The following VWA3B variants were observed in gnomAD, a reference collection of about 807,000 sequenced individuals.
VWA3B encodes von Willebrand factor A domain-containing protein 3B.
VWA3B carries 138 observed loss-of-function variants against 158.3 expected under a neutral mutation model. The ratio of observed to expected loss-of-function variants is 0.87; its 90% CI spans 0.76 to 1.00. The LOEUF (loss-of-function observed/expected upper bound fraction) is 1.00. VWA3B is among the 50% of genes least tolerant of loss of function. VWA3B has a pLI of 0.00. For missense variants in VWA3B, 1,555 were observed against 1,565.1 expected, an observed-to-expected ratio of 0.99 and a Z score of 0.11; for synonymous variants, 596 against 587.3, an observed-to-expected ratio of 1.01 and a Z score of -0.21.
intron 8 of VWA3B, among the ~76,000 whole-genome samples, chr2:98,171,802 G>A (rs912077935): frequency 6.6e-6 from 1 of 152,204 alleles, no homozygotes; most frequent in Non-Finnish European, 1.5e-5. Context: ...GACAAGAGTA[G>A]GAGGAGCCTG....
At chr2:98,229,669 C>A (rs142521739) in intron 15 of VWA3B, among the ~76,000 whole-genome samples, 2 of 152,130 alleles carry the variant, frequency 1.3e-5, no homozygotes, top group African/African-American at 2.4e-5. Context: ...TTGTTTATAA[C>A]CGGCTTTCAC....
intron 21 of VWA3B, among the ~76,000 whole-genome samples, chr2:98,257,250 CA>C (rs1687214472): frequency 2.6e-5 from 4 of 152,030 alleles, no homozygotes; most frequent in Admixed American, 2.6e-4. Flanking sequence ...TCATGACCTC[CA>C]AATGATATTA....
At chr2:98,258,645 C>A (rs1369934359) in intron 21 of VWA3B, among the ~76,000 whole-genome samples, 5 of 151,742 alleles carry the variant, frequency 3.3e-5, no homozygotes, top group Non-Finnish European at 7.4e-5. Context: ...TTGTTCATTG[C>A]TGGTACATAA....
intron 8 of VWA3B, among the ~76,000 whole-genome samples, chr2:98,169,492 G>A (rs953272076): frequency 6.6e-6 from 1 of 151,950 alleles, no homozygotes; most frequent in Admixed American, 6.6e-5. Flanking sequence ...AACAGATAGG[G>A]CCAATAGAAA....
chr2:98,325,294 C>T, the VWA3B span, among the ~76,000 whole-genome samples: 1 of 152,244 alleles, frequency 6.6e-6, no homozygotes, highest in South Asian at 2.1e-4. Flanking sequence ...AACGACACAT[C>T]ACATAAAGGG....
At chr2:98,326,395 A>G in the VWA3B span, among the ~76,000 whole-genome samples, 1 of 152,260 alleles carries the variant, frequency 6.6e-6, no homozygotes, top group Admixed American at 6.5e-5. Flanking sequence ...TAAATTTGCT[A>G]TCAAAACCCT....
At chr2:98,170,066 G>A (rs1041368883) in intron 8 of VWA3B, among the ~76,000 whole-genome samples, 7 of 152,160 alleles carry the variant, frequency 4.6e-5, no homozygotes, top group African/African-American at 1.7e-4. Flanking sequence ...AGTCGAGGTG[G>A]CAGTGAGTGG....
intron 7 of VWA3B, among the ~76,000 whole-genome samples, chr2:98,138,970 G>A (rs546577710): frequency 1.3e-5 from 2 of 152,364 alleles, no homozygotes; most frequent in South Asian, 4.1e-4. Flanking sequence ...CAAGGCCGGA[G>A]TCGGCTCCCT....
At chr2:98,135,625 G>A (rs553770552) in intron 7 of VWA3B, among the ~76,000 whole-genome samples, 1 of 152,020 alleles carries the variant, frequency 6.6e-6, no homozygotes, top group Non-Finnish European at 1.5e-5. Flanking sequence ...GTGAGCCACC[G>A]CGCCCGGCCA....
At chr2:98,250,816 C>T (rs1185680971) in intron 20 of VWA3B, among the ~76,000 whole-genome samples, 1 of 151,972 alleles carries the variant, frequency 6.6e-6, no homozygotes, top group Admixed American at 6.6e-5. Flanking sequence ...GTGATGGATA[C>T]CCCATTTACC....
chr2:98,181,192 G>A lies in VWA3B; in HGVS notation c.1291G>A (p.Glu431Lys), dbSNP rs1680548589. 1 of 1,614,164 alleles carries A rather than the reference G, an allele frequency of 6.2e-7. No homozygotes were observed. Among genetic ancestry groups the A allele is most frequent in the Non-Finnish European group, 8.5e-7 (1 of 1,179,996 alleles). The change falls in exon 9 of 28, where the codon GAG becomes AAG. Residue 431 changes from glutamate to lysine, a missense_variant. By Grantham distance (56) the Glu-to-Lys change is moderately conservative (BLOSUM62 1). Transcript: ENST00000477737. ...GGATATAAAAGCCAAACCGGAGAAT[G>A]AGTCCGTGCAGACCAGTGCGGTAGG... The part of the protein sequence containing the change: ...VVDIKAKPEN[E>K]SVQTSAETNK...
At chr2:98,225,468 C>T (rs982765888) in intron 14 of VWA3B, among the ~76,000 whole-genome samples, 1 of 152,136 alleles carries the variant, frequency 6.6e-6, no homozygotes, top group Non-Finnish European at 1.5e-5. Context: ...TTAATAAGAA[C>T]ATCAATACCT....
At chr2:98,128,558 C>T in intron 6 of VWA3B, 150 bp downstream of exon 6, 2 of 805,024 alleles carry the variant, frequency 2.5e-6, no homozygotes, top group East Asian at 5.4e-5. Context: ...TGCATCTTTT[C>T]TTCTCCGTCT....
chr2:98,115,687 C>A lies in VWA3B; in HGVS notation c.232C>A (p.Arg78=). 1 of 1,613,794 alleles carries A rather than the reference C, an allele frequency of 6.2e-7. No homozygotes were observed. Among genetic ancestry groups the A allele is most frequent in the Non-Finnish European group, 8.5e-7 (1 of 1,180,014 alleles). ...GTCTCTGGGGAGACCTGTGGCTTCT[C>A]GGTATGCTGATGGTCTGTTTCCACA... ...VASLGRPVAS[R]YADGLFPQLY... is the part of the protein sequence containing the mutation. The change falls in exon 3 of 28, where the codon CGG becomes AGG. Residue 78 remains arginine (R), a synonymous_variant. Coordinates refer to ENST00000477737, the MANE Select transcript of VWA3B (RefSeq NM_144992.5).
chr2:98,213,862 A>G lies in VWA3B; in HGVS notation c.1836+1834A>G, dbSNP rs576636223. Among the ~76,000 whole-genome samples the G allele has an allele frequency of 3.2e-3, 480 of 152,284 alleles. 2 individuals are homozygous for G. The highest frequency in any genetic ancestry group is 0.011 in the African/African-American group (446 of 41,546). On this transcript the variant is annotated intron_variant, in intron 13 of 27. Transcript: ENST00000477737. ...ACTGATTTTTAAAATTGTTTACACT[A>G]TGGACAACTTGGAAAACACAGATAA...
At chr2:98,235,727 A>T (rs192125836) in intron 17 of VWA3B, among the ~76,000 whole-genome samples, 320 of 152,182 alleles carry the variant, frequency 2.1e-3, no homozygotes, top group Non-Finnish European at 3.9e-3. Flanking sequence ...CTCCCTTTCA[A>T]TTAACCTGCC....
intron 14 of VWA3B, among the ~76,000 whole-genome samples, chr2:98,221,809 C>G (rs1203173225): frequency 6.6e-6 from 1 of 152,166 alleles, no homozygotes; most frequent in Non-Finnish European, 1.5e-5. Flanking sequence ...CTCCACTCCT[C>G]TCAGGCAGCA....
intron 5 of VWA3B, among the ~76,000 whole-genome samples, chr2:98,124,566 A>AG (rs1573830413): frequency 6.6e-6 from 1 of 152,234 alleles, no homozygotes; most frequent in Non-Finnish European, 1.5e-5. Flanking sequence ...CCACAGGTAC[A>AG]GGGAGGATTT....
chr2:98,261,285 A>G (rs1241901961), intron 21 of VWA3B, among the ~76,000 whole-genome samples: 1 of 151,788 alleles, frequency 6.6e-6, no homozygotes, highest in East Asian at 1.9e-4. Context: ...TTAGTAGCCA[A>G]CATTAACTGT....
Sources: gnomAD v4.1 joint callset for allele counts (sites outside exome capture counted in the v4.1 genomes callset) on GRCh38, gnomAD v4.1.1 for gene constraint, MANE v1.5 for transcripts, NCBI Gene and HGNC (gene_info 2026-07-23, HGNC 2026-07-21) for gene names.